Variants in ERLIN2 observed in about 807,000 individuals in gnomAD.
The protein encoded by ERLIN2 is ER lipid raft associated 2, also known as erlin-2.
Under a neutral mutation model 41.5 loss-of-function variants are expected in ERLIN2, and 22 were observed. The observed-to-expected ratio is 0.53, with a 90% confidence interval of 0.38 to 0.76. The LOEUF is 0.76. ERLIN2 is among the 30% of genes least tolerant of loss of function. The pLI is 0.00. For synonymous variants in ERLIN2, 149 were observed against 150.9 expected (o/e 0.99, Z 0.09); for missense variants, 247 against 414.3 (o/e 0.60, Z 3.51).
At chr8:37,748,827 A>G (rs1013078658) in intron 6 of ERLIN2, among the ~76,000 whole-genome samples, 2 of 152,198 alleles carry the variant, frequency 1.3e-5, no homozygotes, top group Non-Finnish European at 2.9e-5. Flanking sequence ...CAGCTTTGGT[A>G]CTGCTGTTCT....
intron 2 of ERLIN2, 23 bp from the exon 3 acceptor site, chr8:37,740,340 CCT>C (rs761768518): frequency 6.3e-7 from 1 of 1,587,402 alleles, no homozygotes; most frequent in Non-Finnish European, 8.6e-7. Context: ...ACTGAAGCTG[CCT>C]CTCTCTTCCC....
At chr8:37,743,471 C>T (rs1396870343) in intron 4 of ERLIN2, among the ~76,000 whole-genome samples, 2 of 152,136 alleles carry the variant, frequency 1.3e-5, no homozygotes, top group Non-Finnish European at 2.9e-5. Context: ...TGGTGGATAC[C>T]AGACCTTTTG....
At chr8:37,744,835 GGAGCT>G in intron 6 of ERLIN2, 139 bp downstream of exon 6, 1 of 943,886 alleles carries the variant, frequency 1.1e-6, no homozygotes, top group Non-Finnish European at 1.7e-6. Context: ...CTTGTGCTCA[GGAGCT>G]GGTCACAAAG....
intron 6 of ERLIN2, chr8:37,747,936 G>A (rs1203612962): frequency 3.7e-6 from 6 of 1,614,034 alleles, no homozygotes; most frequent in African/African-American, 2.7e-5. Flanking sequence ...GGGGCTTCTC[G>A]CCGTCGTCAT....
At chr8:37,745,867 G>C (rs1370868792) in intron 6 of ERLIN2, 35 of 1,288,364 alleles carry the variant, frequency 2.7e-5, no homozygotes, top group Non-Finnish European at 3.3e-5. Flanking sequence ...CAAACTAATA[G>C]AATTTTATAA....
chr8:37,757,283 C>A lies in ERLIN2; in HGVS notation c.*3168C>A, dbSNP rs2129742739. On this transcript the variant is annotated 3_prime_UTR_variant, in exon 12 of 12. Coordinates refer to ENST00000519638, the MANE Select transcript of ERLIN2 (RefSeq NM_007175.8). ...GTGGCTACTGTGTCTGTGAATGTAA[C>A]CAGTACTTCTTTAAGCTCTATTCAG... 6.6e-6 allele frequency: 1 copy of A among 152,078 alleles called. No homozygotes were observed. The highest frequency in any genetic ancestry group is 2.1e-4 in the South Asian group (1 of 4,820). The allele number at this position is 152,078 out of a possible 1,614,324, so 9.4% of individuals were successfully genotyped here.
At chr8:37,748,714 C>T (rs1257425307) in intron 6 of ERLIN2, among the ~76,000 whole-genome samples, 1 of 152,224 alleles carries the variant, frequency 6.6e-6, no homozygotes, top group South Asian at 2.1e-4. Context: ...CCTGATTTCA[C>T]TCTGTCTTTT....
intron 2 of ERLIN2, 134 bp from the exon 3 acceptor site, chr8:37,740,231 A>G (rs1333670844): frequency 1.4e-6 from 1 of 725,786 alleles, no homozygotes; most frequent in East Asian, 2.7e-5. Context: ...AGGGATCTGT[A>G]GCCATGGCTG....
chr8:37,746,414 A>C, intron 6 of ERLIN2: 5 of 985,420 alleles, frequency 5.1e-6, no homozygotes, highest in Non-Finnish European at 6.0e-6. Context: ...ACACCTTTTA[A>C]TACAGTTGAA....
intron 10 of ERLIN2, 148 bp from the exon 11 acceptor site, chr8:37,753,302 G>C: frequency 1.4e-6 from 1 of 705,972 alleles, no homozygotes; most frequent in Non-Finnish European, 2.6e-6. Context: ...GTAAAACACA[G>C]AGGAAAAAGC....
chr8:37,746,314 C>G (rs1224821521), intron 6 of ERLIN2: 2 of 985,310 alleles, frequency 2.0e-6, no homozygotes, highest in Non-Finnish European at 2.4e-6. Flanking sequence ...CCTCTTTGCC[C>G]ATGTTATTAA....
At chr8:37,752,109 G>C (rs1337186626) in intron 10 of ERLIN2, among the ~76,000 whole-genome samples, 1 of 152,222 alleles carries the variant, frequency 6.6e-6, no homozygotes, top group Non-Finnish European at 1.5e-5. Flanking sequence ...AAGTTGGTCA[G>C]TGCCACGGTT....
chr8:37,742,071 C>T (rs1031827486), intron 4 of ERLIN2, among the ~76,000 whole-genome samples: 19 of 151,918 alleles, frequency 1.3e-4, no homozygotes, highest in Non-Finnish European at 2.8e-4. Context: ...CGGCCGGGCG[C>T]GGTGGCTCAC....
chr8:37,742,871 A>G (rs1482683005), intron 4 of ERLIN2, among the ~76,000 whole-genome samples: 3 of 152,254 alleles, frequency 2.0e-5, no homozygotes, highest in Admixed American at 6.5e-5. Context: ...GTGAGGATGC[A>G]CAAAGGTTTT....
chr8:37,747,698 G>A (rs1179487784), intron 6 of ERLIN2: 1 of 1,580,790 alleles, frequency 6.3e-7, no homozygotes, highest in Admixed American at 1.7e-5. Flanking sequence ...GGCTGGGATT[G>A]GTAGAAGAGC....
chr8:37,752,292 C>T (rs1457061385), intron 10 of ERLIN2, among the ~76,000 whole-genome samples: 1 of 152,184 alleles, frequency 6.6e-6, no homozygotes, highest in Non-Finnish European at 1.5e-5. Context: ...CTTCCCACTG[C>T]CCACCTCTTA....
intron 10 of ERLIN2, 90 bp downstream of exon 10, chr8:37,751,805 T>C: frequency 1.1e-6 from 1 of 948,568 alleles, no homozygotes; most frequent in Non-Finnish European, 1.7e-6. Context: ...GCCCTTTAAC[T>C]GTGCTCAAGG....
chr8:37,747,705 G>C, intron 6 of ERLIN2: 1 of 1,578,604 alleles, frequency 6.3e-7, no homozygotes, highest in Non-Finnish European at 8.7e-7. Context: ...ATTGGTAGAA[G>C]AGCAGCAGTC....
chr8:37,753,418 TCA>T, intron 10 of ERLIN2, 30 bp from the exon 11 acceptor site: 1 of 1,592,130 alleles, frequency 6.3e-7, no homozygotes, highest in Non-Finnish European at 8.6e-7. Context: ...TTTTAGCACT[TCA>T]CCAAGTTCAC....
Sources: allele counts gnomAD v4.1 joint callset (sites outside exome capture counted in the v4.1 genomes callset), GRCh38; gene constraint gnomAD v4.1.1; transcripts MANE v1.5; gene names NCBI Gene and HGNC (gene_info 2026-07-23, HGNC 2026-07-21).